Variants in UHMK1 observed in about 807,000 individuals in gnomAD.
UHMK1 encodes serine/threonine-protein kinase Kist.
UHMK1 carries 18 observed loss-of-function variants against 44.0 expected under a neutral mutation model. The ratio of observed to expected loss-of-function variants is 0.41; its 90% CI spans 0.28 to 0.61. UHMK1 has a LOEUF of 0.61. Ranked by LOEUF, UHMK1 falls within the 20% of genes least tolerant of loss-of-function variation. The pLI is 0.31. For missense variants in UHMK1, 463 were observed against 522.5 expected (o/e 0.89, Z 1.11); for synonymous variants, 231 against 198.5 (o/e 1.16, Z -1.38).
chr1:162,500,638 A>G lies in UHMK1; in HGVS notation c.562-275A>G, dbSNP rs1651235644. ...AATCCTCTTTTCTCCATGGTTTATC[A>G]TTTCTTTGCAGTGTCCTTATTATCA... On this transcript the variant is annotated intron_variant, in intron 2 of 7. Coordinates refer to ENST00000489294, the MANE Select transcript of UHMK1 (RefSeq NM_175866.5). 6 of 434,056 alleles carry G rather than the reference A, an allele frequency of 1.4e-5. No individual in the cohort carries two copies. In the South Asian group the frequency reaches 2.5e-4, roughly 18 times the overall value. 26.9% of individuals were successfully genotyped at this position (434,056 alleles called of 1,614,324 possible). A position where few individuals can be genotyped will look rare whatever the true frequency, so the allele number is the denominator to read the frequency against.
At chr1:162,511,047 T>C (rs554701135) in intron 4 of UHMK1, among the ~76,000 whole-genome samples, 1 of 152,256 alleles carries the variant, frequency 6.6e-6, no homozygotes, top group East Asian at 1.9e-4. Context: ...ATTAGCGATA[T>C]TGAGCATTTC....
intron 6 of UHMK1, among the ~76,000 whole-genome samples, chr1:162,515,992 C>T (rs1489740710): frequency 6.6e-6 from 1 of 151,680 alleles, no homozygotes; most frequent in Non-Finnish European, 1.5e-5. Context: ...CGAGGTGGCA[C>T]CACTGCACTC....
intron 3 of UHMK1, 108 bp from the exon 4 acceptor site, chr1:162,503,646 A>T: frequency 1.6e-6 from 1 of 629,264 alleles, no homozygotes; most frequent in Non-Finnish European, 2.7e-6. Context: ...GTAGGCTCTC[A>T]GAAGATAGTG....
intron 6 of UHMK1, among the ~76,000 whole-genome samples, chr1:162,515,940 A>G (rs1651821442): frequency 6.6e-6 from 1 of 152,026 alleles, no homozygotes; most frequent in Non-Finnish European, 1.5e-5. Context: ...AGGCTGAGGC[A>G]GGAGAATAGC....
rs1348758015 is a variant in UHMK1 at position 162,498,017 on chromosome 1, G to A, written c.17G>A (p.Cys6Tyr). 1 of 1,590,308 alleles carries A rather than the reference G, an allele frequency of 6.3e-7. No homozygotes were observed. MAGSGCAWGAEPPRFL... is the reference protein window; with the variant it reads MAGSGYAWGAEPPRFL... ...CCCACACCGATGGCGGGATCCGGCT[G>A]CGCCTGGGGCGCGGAGCCGCCGCGT... The change falls in exon 1 of 8, where the codon TGC becomes TAC. Residue 6 changes from cysteine (C) to tyrosine (Y), a missense_variant. Cys to Tyr is a radical substitution (Grantham distance 194). This residue lies in a region of UHMK1 where 191 missense variants were observed against 176.0 expected (regional missense o/e 1.09). Coordinates refer to ENST00000489294, the MANE Select transcript of UHMK1 (RefSeq NM_175866.5).
rs1476263042 is a variant in UHMK1, at chr1:162,527,315, G to C, written c.*4765G>C. ...TAGCATGTACTTGACAAGTGCCATG[G>C]ATATTTAAGAAGAAGGTAAATAATT... On this transcript the variant is annotated 3_prime_UTR_variant, in exon 8 of 8. Transcript: ENST00000489294. 3 of 151,988 alleles carry C rather than the reference G, an allele frequency of 2.0e-5. No homozygotes were observed. The highest frequency in any genetic ancestry group is 1.3e-4 in the Admixed American group (2 of 15,248). The allele number at this position is 151,988 out of a possible 1,614,324, so 9.4% of individuals were successfully genotyped here.
chr1:162,524,985 C>G lies in UHMK1; in HGVS notation c.*2435C>G, dbSNP rs377196576. On this transcript the variant is annotated 3_prime_UTR_variant, in exon 8 of 8. Coordinates refer to ENST00000489294, the MANE Select transcript of UHMK1 (RefSeq NM_175866.5). ...TCTCGGCTCACTGCAACCTCTGCCT[C>G]GCAGGTTTGAGCGATTCTCCTGTCT... is the stretch of plus-strand genomic sequence containing the variant. The G allele has an allele frequency of 1.3e-5, 2 of 152,158 alleles. No homozygotes were observed. Among genetic ancestry groups the G allele is most frequent in the Non-Finnish European group, 2.9e-5 (2 of 68,066 alleles). 9.4% of individuals were successfully genotyped at this position (152,158 alleles called of 1,614,324 possible).
rs1652264971 is a variant in UHMK1 at position 162,526,745 on chromosome 1, A to AT, written c.*4198dup. 6.6e-6 allele frequency: 1 copy of AT among 152,078 alleles called. No individual in the cohort carries two copies. Among genetic ancestry groups the AT allele is most frequent in the South Asian group, 2.1e-4 (1 of 4,826 alleles). 9.4% of individuals were successfully genotyped at this position (152,078 alleles called of 1,614,324 possible). A position where few individuals can be genotyped will look rare whatever the true frequency, so the allele number is the denominator to read the frequency against. On this transcript the variant is annotated 3_prime_UTR_variant, in exon 8 of 8. Transcript: ENST00000489294. ...TTTTTGTATATGTAAAACTATTCAT[A>AT]TTTGATTTTATTCCAATATTATATA...
chr1:162,503,435 C>T (rs1437695279), intron 3 of UHMK1, among the ~76,000 whole-genome samples: 2 of 151,778 alleles, frequency 1.3e-5, no homozygotes, highest in Non-Finnish European at 2.9e-5. Context: ...CATAGTGAAA[C>T]CCCATAGCTA....
upstream of UHMK1, chr1:162,497,771 C>A (rs970438687): frequency 1.6e-5 from 21 of 1,310,080 alleles, no homozygotes; most frequent in South Asian, 2.2e-4. Flanking sequence ...TCTGAGCCCC[C>A]CCTCCTTCGG....
chr1:162,517,614 CA>C (rs1156843278), intron 6 of UHMK1, among the ~76,000 whole-genome samples: 1 of 152,114 alleles, frequency 6.6e-6, no homozygotes, highest in Non-Finnish European at 1.5e-5. Flanking sequence ...TGGCCAGGCG[CA>C]GTGGCTCACG....
At chr1:162,505,444 C>T (rs1173812126) in intron 4 of UHMK1, among the ~76,000 whole-genome samples, 2 of 152,140 alleles carry the variant, frequency 1.3e-5, no homozygotes, top group Non-Finnish European at 2.9e-5. Context: ...ATACATAAGC[C>T]AGTAACACAG....
intron 7 of UHMK1, among the ~76,000 whole-genome samples, chr1:162,520,207 A>C (rs1321524204): frequency 6.6e-6 from 1 of 152,210 alleles, no homozygotes; most frequent in Non-Finnish European, 1.5e-5. Context: ...ATTTTATCTT[A>C]ATAGCTTAGT....
intron 6 of UHMK1, 126 bp downstream of exon 6, chr1:162,512,949 T>C (rs959000525): frequency 1.3e-5 from 12 of 954,680 alleles, no homozygotes; most frequent in Admixed American, 2.5e-5. Context: ...ATCTCTAATA[T>C]ACTCTCACTT....
intron 6 of UHMK1, among the ~76,000 whole-genome samples, chr1:162,515,801 G>A (rs906560790): frequency 5.9e-5 from 9 of 152,040 alleles, no homozygotes; most frequent in African/African-American, 2.2e-4. Flanking sequence ...TTGGGAGGCC[G>A]AGGCGGATGG....
At chr1:162,498,345 C>A in intron 1 of UHMK1, 77 bp downstream of exon 1, 1 of 1,484,488 alleles carries the variant, frequency 6.7e-7, no homozygotes, top group Non-Finnish European at 9.0e-7. Flanking sequence ...GTCTGGCGTT[C>A]CATCTTCCTC....
At chr1:162,520,337 C>T (rs1008772300) in intron 7 of UHMK1, among the ~76,000 whole-genome samples, 3 of 152,150 alleles carry the variant, frequency 2.0e-5, no homozygotes, top group Non-Finnish European at 4.4e-5. Flanking sequence ...TTTAGTATCA[C>T]GTACTGAATA....
At chr1:162,500,866 AG>A (rs780366424) in intron 2 of UHMK1, 46 bp from the exon 3 acceptor site, 2 of 1,560,820 alleles carry the variant, frequency 1.3e-6, no homozygotes, top group Admixed American at 3.5e-5. Flanking sequence ...ATGGATAGAA[AG>A]GGAGCAGCTT....
chr1:162,503,674 C>A, intron 3 of UHMK1, 80 bp from the exon 4 acceptor site: 27 of 699,250 alleles, frequency 3.9e-5, no homozygotes, highest in Non-Finnish European at 5.8e-5. Flanking sequence ...TTGCATTTTA[C>A]TCTCAAATAG....
Sources: allele counts gnomAD v4.1 joint callset (sites outside exome capture counted in the v4.1 genomes callset), GRCh38; gene constraint gnomAD v4.1.1; regional missense constraint gnomAD v4.1.1; transcripts MANE v1.5; gene names NCBI Gene and HGNC (gene_info 2026-07-23, HGNC 2026-07-21).